BIRC6: variants seen among roughly 807,000 people sequenced by gnomAD.
BIRC6 encodes baculoviral IAP repeat containing 6, also known as dual E2 ubiquitin-conjugating enzyme/E3 ubiquitin-protein ligase BIRC6.
Under a neutral mutation model 503.3 loss-of-function variants are expected in BIRC6, and 98 were observed. The observed-to-expected ratio is 0.19, with a 90% CI of 0.17 to 0.23. The LOEUF is 0.23. BIRC6 is among the 10% of genes least tolerant of loss of function. The pLI, the probability that BIRC6 is intolerant of heterozygous loss-of-function variation, is 1.00. For missense variants in BIRC6, 5,360 were observed against 5,806.0 expected (o/e 0.92, Z 2.50); for synonymous variants, 2,240 against 2,078.7 (o/e 1.08, Z -2.11).
intron 26 of BIRC6, among the ~76,000 whole-genome samples, chr2:32,465,935 G>C (rs552336039): frequency 2.0e-4 from 30 of 152,224 alleles, no homozygotes; most frequent in Non-Finnish European, 4.0e-4. Context: ...TCATTCATTG[G>C]TAACAACATT....
chr2:32,379,642 T>G (rs1380788462), intron 2 of BIRC6: 1 of 152,230 alleles, frequency 6.6e-6, no homozygotes, highest in Non-Finnish European at 1.5e-5. Flanking sequence ...AGTCTTAGGT[T>G]TGATTTGCTC....
intron 1 of BIRC6, among the ~76,000 whole-genome samples, chr2:32,373,428 T>G (rs2036258991): frequency 6.6e-6 from 1 of 152,300 alleles, no homozygotes; most frequent in African/African-American, 2.4e-5. Flanking sequence ...AAATAAACTA[T>G]TGCATATATG....
chr2:32,366,455 A>G (rs147374048), intron 1 of BIRC6, among the ~76,000 whole-genome samples: 55 of 152,258 alleles, frequency 3.6e-4, no homozygotes, highest in Admixed American at 3.3e-3. Context: ...ATGTGGATGT[A>G]TGATATTATT....
At chr2:32,522,214 A>G (rs907829511) in intron 57 of BIRC6, 5 of 151,340 alleles carry the variant, frequency 3.3e-5, no homozygotes, top group East Asian at 1.9e-4. Flanking sequence ...TGTTTGTACT[A>G]TTTTTCTCTT....
At chr2:32,602,073 A>T (rs1003041772) in intron 70 of BIRC6, among the ~76,000 whole-genome samples, 2 of 152,260 alleles carry the variant, frequency 1.3e-5, no homozygotes, top group African/African-American at 4.8e-5. Flanking sequence ...CATATGATCT[A>T]TCAGTCCCAC....
At chr2:32,417,601 T>C (rs1256653665) in intron 10 of BIRC6, among the ~76,000 whole-genome samples, 1 of 152,136 alleles carries the variant, frequency 6.6e-6, no homozygotes, top group African/African-American at 2.4e-5. Context: ...AACTAAGGCA[T>C]GGCAGAGGAA....
At chr2:32,483,092 A>C (rs577018189) in intron 39 of BIRC6, among the ~76,000 whole-genome samples, 1 of 34,756 alleles carries the variant, frequency 2.9e-5, no homozygotes, top group African/African-American at 1.3e-4. Context: ...TATTTTTTGT[A>C]TTTTTAGTAG....
intron 23 of BIRC6, among the ~76,000 whole-genome samples, chr2:32,460,266 A>ATTTTTTTTTTT (rs1558786117): frequency 3.5e-5 from 1 of 28,468 alleles, no homozygotes; most frequent in Non-Finnish European, 6.3e-5. Context: ...ATATATATAT[A>ATTTTTTTTTTT]TATATATTTT....
chr2:32,441,192 A>ACAAG (rs2045397173), intron 16 of BIRC6, 137 bp from the exon 17 acceptor site: 2 of 654,264 alleles, frequency 3.1e-6, no homozygotes, highest in South Asian at 4.8e-5. Context: ...ATATGAGGGT[A>ACAAG]CAAGCTATCA....
At chr2:32,446,028 G>C (rs1029442563) in intron 21 of BIRC6, among the ~76,000 whole-genome samples, 1 of 151,750 alleles carries the variant, frequency 6.6e-6, no homozygotes, top group South Asian at 2.1e-4. Flanking sequence ...GGCTAATTTT[G>C]TATGTTTAGT....
chr2:32,609,175 C>T (rs1004837515), intron 72 of BIRC6, among the ~76,000 whole-genome samples: 1 of 152,010 alleles, frequency 6.6e-6, no homozygotes, highest in African/African-American at 2.4e-5. Flanking sequence ...TGAGCCACTG[C>T]GCCTGGCCAC....
chr2:32,423,590 T>G (rs1047353216), intron 10 of BIRC6, among the ~76,000 whole-genome samples: 2 of 152,168 alleles, frequency 1.3e-5, no homozygotes, highest in African/African-American at 2.4e-5. Flanking sequence ...TCAGCATATT[T>G]TTTATGTTTT....
chr2:32,489,667 G>A (rs1410991339), intron 42 of BIRC6, among the ~76,000 whole-genome samples: 2 of 151,966 alleles, frequency 1.3e-5, no homozygotes, highest in East Asian at 1.9e-4. Flanking sequence ...CTGTGTTGAC[G>A]CATGCCTATA....
At chr2:32,577,498 A>T (rs2060344123) in intron 66 of BIRC6, among the ~76,000 whole-genome samples, 1 of 152,174 alleles carries the variant, frequency 6.6e-6, no homozygotes, top group Non-Finnish European at 1.5e-5. Flanking sequence ...AGTGAAAATA[A>T]AACCAGTAAA....
chr2:32,414,615 C>T (rs1358991827), intron 9 of BIRC6, among the ~76,000 whole-genome samples, 154 bp from the exon 10 acceptor site: 2 of 151,732 alleles, frequency 1.3e-5, no homozygotes, highest in East Asian at 3.9e-4. Context: ...TGTGGTGAGC[C>T]GAAATTGCAC....
At chr2:32,558,304 A>T (rs1421674872) in intron 65 of BIRC6, among the ~76,000 whole-genome samples, 4 of 146,214 alleles carry the variant, frequency 2.7e-5, no homozygotes, top group African/African-American at 9.7e-5. Flanking sequence ...ATTTAATGTG[A>T]ACTGCAATTT....
chr2:32,414,668 A>AAAAT (rs376508242), intron 9 of BIRC6, 101 bp from the exon 10 acceptor site: 22,742 of 933,900 alleles, frequency 0.024, 369 homozygotes, highest in Middle Eastern at 0.046. Flanking sequence ...ATTTGTCTCA[A>AAAAT]AAATAAATAA....
At chr2:32,493,731 T>C in intron 45 of BIRC6, 64 bp downstream of exon 45, 2 of 1,330,470 alleles carry the variant, frequency 1.5e-6, no homozygotes, top group East Asian at 4.7e-5. Flanking sequence ...CAAATATACT[T>C]TTCTTTAACA....
intron 71 of BIRC6, among the ~76,000 whole-genome samples, chr2:32,603,512 C>A (rs1005378086): frequency 6.6e-6 from 1 of 152,014 alleles, no homozygotes; most frequent in East Asian, 1.9e-4. Flanking sequence ...GTCAGGAGTT[C>A]GAGACCAGCT....
Sources: allele counts gnomAD v4.1 joint callset (sites outside exome capture counted in the v4.1 genomes callset), GRCh38; gene constraint gnomAD v4.1.1; transcripts MANE v1.5; gene names NCBI Gene and HGNC (gene_info 2026-07-23, HGNC 2026-07-21).